Variants in PLXNA4 observed in about 807,000 individuals in gnomAD.
PLXNA4 encodes plexin A4, also known as plexin-A4.
Under a neutral mutation model 191.8 loss-of-function variants are expected in PLXNA4, and 44 were observed. The ratio of observed to expected loss-of-function variants is 0.23; its 90% confidence interval spans 0.18 to 0.29. The LOEUF is 0.29. Ranked by LOEUF, PLXNA4 falls within the 10% of genes least tolerant of loss-of-function variation. The pLI is 1.00. For missense variants in PLXNA4, 1,800 were observed against 2,488.8 expected, an observed-to-expected ratio of 0.72 and a Z score of 5.89; for synonymous variants, 1,082 against 1,009.5, an observed-to-expected ratio of 1.07 and a Z score of -1.36.
At chr7:132,148,726 A>G in intron 25 of PLXNA4, 80 bp from the exon 26 acceptor site, 1 of 1,591,574 alleles carries the variant, frequency 6.3e-7, no homozygotes, top group Non-Finnish European at 8.6e-7. Context: ...GTAGGTACCT[A>G]TGCAGTGCTA....
intron 3 of PLXNA4, among the ~76,000 whole-genome samples, chr7:132,332,143 C>T (rs945964844): frequency 6.6e-6 from 1 of 152,204 alleles, no homozygotes; most frequent in African/African-American, 2.4e-5. Context: ...CTTTCCTCTG[C>T]CTTCTTGTAC....
At chr7:132,170,632 A>C (rs1284569774) in intron 21 of PLXNA4, among the ~76,000 whole-genome samples, 1 of 152,246 alleles carries the variant, frequency 6.6e-6, no homozygotes, top group East Asian at 1.9e-4. Context: ...GGCCGGGTTC[A>C]GTCAGATCCA....
intron 3 of PLXNA4, among the ~76,000 whole-genome samples, chr7:132,343,349 A>C (rs1803113380): frequency 6.6e-6 from 1 of 152,186 alleles, no homozygotes; most frequent in Non-Finnish European, 1.5e-5. Flanking sequence ...CATCCATGGA[A>C]CTCATTTCAT....
At chr7:132,173,461 C>T (rs55733016) in intron 21 of PLXNA4, among the ~76,000 whole-genome samples, 3,690 of 152,318 alleles carry the variant, frequency 0.024, 55 homozygotes, top group Non-Finnish European at 0.032. Context: ...TCACCTCCAA[C>T]TTATGAAAGT....
intron 4 of PLXNA4, among the ~76,000 whole-genome samples, chr7:132,250,955 C>T (rs1799225452): frequency 6.6e-6 from 1 of 151,960 alleles, no homozygotes; most frequent in South Asian, 2.1e-4. Context: ...GGCCCCACAT[C>T]CTGGAGAAAA....
At chr7:132,415,184 C>T (rs6974416) in intron 3 of PLXNA4, among the ~76,000 whole-genome samples, 24,472 of 152,128 alleles carry the variant, frequency 0.16, 4,306 homozygotes, top group African/African-American at 0.43. Context: ...AGGGGAGGTC[C>T]GAAGGGAGTT....
intron 3 of PLXNA4, among the ~76,000 whole-genome samples, chr7:132,412,973 A>G (rs1794518701): frequency 6.6e-6 from 1 of 152,118 alleles, no homozygotes; most frequent in Admixed American, 6.5e-5. Context: ...ATTAGTGACT[A>G]GGAAACAAAG....
At chr7:132,370,786 T>C (rs2116896553) in intron 3 of PLXNA4, among the ~76,000 whole-genome samples, 1 of 152,268 alleles carries the variant, frequency 6.6e-6, no homozygotes, top group South Asian at 2.1e-4. Flanking sequence ...CCCCTAGATA[T>C]TGATGGGTGT....
intron 31 of PLXNA4, 98 bp downstream of exon 31, chr7:132,132,951 G>A (rs943027064): frequency 1.9e-5 from 28 of 1,501,586 alleles, no homozygotes; most frequent in African/African-American, 5.5e-5. Context: ...AGAGGTGGAT[G>A]TGTCTGTGGC....
chr7:132,189,817 C>T (rs2116798392), intron 14 of PLXNA4, among the ~76,000 whole-genome samples: 1 of 152,270 alleles, frequency 6.6e-6, no homozygotes, highest in East Asian at 1.9e-4. Context: ...ACCTGGAATC[C>T]CTAGAAACTC....
chr7:132,463,266 G>C lies in PLXNA4; in HGVS notation c.1371+26026C>G, dbSNP rs966279819. ...GGAAGGGCCAGAGAGGATTTGGAAG[G>C]TATTATCCAGCACAGGTTAGGTTTG... On this transcript the variant is annotated intron_variant, in intron 3 of 31. Coordinates refer to ENST00000321063, the MANE Select transcript of PLXNA4 (RefSeq NM_020911.2). 3.9e-5 allele frequency among the ~76,000 whole-genome samples: 6 copies of C among 152,124 alleles called. No individual in the cohort carries two copies. In the East Asian group the frequency reaches 1.2e-3, roughly 29 times the overall value.
chr7:132,278,019 A>G (rs1800341885), intron 4 of PLXNA4, among the ~76,000 whole-genome samples: 1 of 152,366 alleles, frequency 6.6e-6, no homozygotes, highest in Admixed American at 6.5e-5. Context: ...GAATTGAGTT[A>G]AAATGATGTC....
intron 4 of PLXNA4, among the ~76,000 whole-genome samples, chr7:132,262,141 G>A (rs1172983919): frequency 2.0e-5 from 3 of 152,078 alleles, no homozygotes; most frequent in African/African-American, 7.2e-5. Flanking sequence ...AGCCCTTCCA[G>A]ACCAGGCTAA....
intron 24 of PLXNA4, 145 bp from the exon 25 acceptor site, chr7:132,159,777 C>T (rs1795894611): frequency 7.2e-7 from 1 of 1,380,232 alleles, no homozygotes; most frequent in African/African-American, 1.4e-5. Flanking sequence ...TCCAGGCCAT[C>T]TGTGCTCCCA....
At chr7:132,594,883 G>A (rs1009824876) in intron 2 of PLXNA4, among the ~76,000 whole-genome samples, 66 of 151,330 alleles carry the variant, frequency 4.4e-4, no homozygotes, top group African/African-American at 1.5e-3. Context: ...TAGTCCAGTG[G>A]TGTTTCCATT....
chr7:132,593,361 A>G (rs1802640373), intron 2 of PLXNA4, among the ~76,000 whole-genome samples: 1 of 152,068 alleles, frequency 6.6e-6, no homozygotes, highest in Admixed American at 6.6e-5. Flanking sequence ...GGGTCTCATG[A>G]TTTGTCCTGG....
intron 1 of PLXNA4, among the ~76,000 whole-genome samples, chr7:132,528,594 G>A (rs934047257): frequency 1.3e-5 from 2 of 152,196 alleles, no homozygotes; most frequent in African/African-American, 4.8e-5. Context: ...AAGCCTGCCA[G>A]GGGCTTCAGG....
chr7:132,561,493 C>G (rs1304214177), intron 1 of PLXNA4, among the ~76,000 whole-genome samples: 8 of 117,388 alleles, frequency 6.8e-5, no homozygotes, highest in Admixed American at 1.7e-4. Context: ...CTCCTCCTTT[C>G]TCCTCCCCCA....
At chr7:132,544,808 A>G (rs1408436697) in intron 1 of PLXNA4, among the ~76,000 whole-genome samples, 1 of 152,236 alleles carries the variant, frequency 6.6e-6, no homozygotes, top group Non-Finnish European at 1.5e-5. Context: ...CCTGTAAAAA[A>G]TAAAAATAGA....
Sources: gnomAD v4.1 joint callset for allele counts (sites outside exome capture counted in the v4.1 genomes callset) on GRCh38, gnomAD v4.1.1 for gene constraint, MANE v1.5 for transcripts, NCBI Gene and HGNC (gene_info 2026-07-23, HGNC 2026-07-21) for gene names.